The following ZDHHC17 variants were observed in gnomAD, a reference collection of about 807,000 sequenced individuals.
ZDHHC17 encodes the protein palmitoyltransferase ZDHHC17.
A neutral mutation model predicts 90.3 loss-of-function variants in ZDHHC17; 40 were observed. The ratio of observed to expected loss-of-function variants is 0.44; its 90% CI spans 0.34 to 0.58. The LOEUF (loss-of-function observed/expected upper bound fraction) is 0.58, where lower values mean the gene tolerates loss of function less well. Ranked by LOEUF, ZDHHC17 falls within the 20% of genes least tolerant of loss-of-function variation. The pLI, the probability that ZDHHC17 is intolerant of heterozygous loss-of-function variation, is 0.01. For missense variants in ZDHHC17, 614 were observed against 780.8 expected, an observed-to-expected ratio of 0.79 and a Z score of 2.55; for synonymous variants, 235 against 252.4, an observed-to-expected ratio of 0.93 and a Z score of 0.65.
chr12:76,810,036 A>G (rs1225507481), intron 5 of ZDHHC17, among the ~76,000 whole-genome samples, 179 bp downstream of exon 5: 1 of 152,224 alleles, frequency 6.6e-6, no homozygotes, highest in East Asian at 1.9e-4. Flanking sequence ...AAAAGCCAGC[A>G]TGAAAATCAT....
intron 5 of ZDHHC17, chr12:76,813,237 C>CTTCTCATATAAGAAATAGTT (rs1953046332): frequency 2.9e-6 from 1 of 345,008 alleles, no homozygotes; most frequent in Non-Finnish European, 5.7e-6. Flanking sequence ...TAAAAGAAGT[C>CTTCTCATATAAGAAATAGTT]ACAATAGTTA....
Position 76,849,465 on chromosome 12 carries a change from A to C in ZDHHC17, c.1755A>C (p.Pro585=). The change falls in exon 16 of 17, where the codon CCA becomes CCC. Residue 585 remains proline, a synonymous_variant. Coordinates refer to ENST00000426126, the MANE Select transcript of ZDHHC17 (RefSeq NM_015336.4). ...FKVTTTSIES[P]FNHGCVRNII... ...TCACAACAACGTCTATTGAAAGCCC[A>C]TTCAAGTATGTACATATTTATAAAT... 1 of 1,530,708 alleles carries C rather than the reference A, an allele frequency of 6.5e-7. No individual in the cohort carries two copies. The highest frequency in any genetic ancestry group is 8.8e-7 in the Non-Finnish European group (1 of 1,135,726). 94.8% of individuals were successfully genotyped at this position (1,530,708 alleles called of 1,614,324 possible). A position where few individuals can be genotyped will look rare whatever the true frequency, so the allele number is the denominator to read the frequency against.
intron 10 of ZDHHC17, among the ~76,000 whole-genome samples, chr12:76,829,998 A>G (rs532814557): frequency 4.6e-4 from 70 of 152,220 alleles, no homozygotes; most frequent in Admixed American, 4.6e-3. Flanking sequence ...TGGCTAATAT[A>G]CTTTTTAAAA....
At chr12:76,766,328 C>T (rs1005979828) in intron 1 of ZDHHC17, among the ~76,000 whole-genome samples, 4 of 152,156 alleles carry the variant, frequency 2.6e-5, no homozygotes, top group African/African-American at 9.7e-5. Flanking sequence ...TGGCTGAGGT[C>T]TTTCTGCATT....
At position 76,822,390 on chromosome 12, in the gene ZDHHC17, C is replaced by T; in HGVS notation, c.772-16C>T. 6.2e-7 allele frequency: 1 copy of T among 1,609,894 alleles called. No individual in the cohort carries two copies. Among genetic ancestry groups the T allele is most frequent in the Non-Finnish European group, 8.5e-7 (1 of 1,177,102 alleles). Reference sequence around the variant, plus strand: ...TTTAAACTTTTAATAGGAATTTCTTCTGTTTATATTATCAGGGCGAATCAG... The same window carrying T: ...TTTAAACTTTTAATAGGAATTTCTTTTGTTTATATTATCAGGGCGAATCAG... On this transcript the variant is annotated splice_polypyrimidine_tract_variant and intron_variant, in intron 7 of 16. Transcript: ENST00000426126.
chr12:76,838,716 T>G lies in ZDHHC17; in HGVS notation c.1142-3266T>G, dbSNP rs577270950. Reference sequence around the variant, plus strand: ...AAGTCACCTTATTAATGACAAGCCTTGGTATTTCTTGATACTTAGTGGAAG... The same window carrying G: ...AAGTCACCTTATTAATGACAAGCCTGGGTATTTCTTGATACTTAGTGGAAG... On this transcript the variant is annotated intron_variant, in intron 10 of 16. Coordinates refer to ENST00000426126, the MANE Select transcript of ZDHHC17 (RefSeq NM_015336.4). Among the ~76,000 whole-genome samples the G allele has an allele frequency of 2.0e-5, 3 of 152,338 alleles. No homozygotes were observed. In the East Asian group the frequency reaches 5.8e-4, roughly 29 times the overall value.
intron 5 of ZDHHC17, among the ~76,000 whole-genome samples, chr12:76,811,066 G>T (rs948131034): frequency 6.6e-6 from 1 of 152,158 alleles, no homozygotes; most frequent in Non-Finnish European, 1.5e-5. Flanking sequence ...AAGAACAAAA[G>T]TAGAAGCTGT....
chr12:76,821,241 A>C, intron 7 of ZDHHC17: 2 of 785,328 alleles, frequency 2.5e-6, no homozygotes, highest in Non-Finnish European at 1.7e-6. Context: ...AGGTAAGGCA[A>C]TATTTTAAAG....
At chr12:76,805,176 T>C in intron 2 of ZDHHC17, 141 bp from the exon 3 acceptor site, 1 of 815,924 alleles carries the variant, frequency 1.2e-6, no homozygotes, top group Non-Finnish European at 1.8e-6. Flanking sequence ...TGTTGACATT[T>C]TAAAAGTAAT....
chr12:76,784,798 C>T (rs1185086499), intron 1 of ZDHHC17, among the ~76,000 whole-genome samples: 1 of 152,118 alleles, frequency 6.6e-6, no homozygotes, highest in Non-Finnish European at 1.5e-5. Context: ...TTTACTAGTA[C>T]GATCCTGAAG....
chr12:76,794,363 G>A (rs1952795039), intron 1 of ZDHHC17, among the ~76,000 whole-genome samples: 1 of 152,192 alleles, frequency 6.6e-6, no homozygotes, highest in Non-Finnish European at 1.5e-5. Context: ...CCTATTGATA[G>A]TTGTGATTAT....
intron 2 of ZDHHC17, among the ~76,000 whole-genome samples, chr12:76,801,088 A>G (rs1310748151): frequency 6.6e-6 from 1 of 150,918 alleles, no homozygotes; most frequent in Admixed American, 6.6e-5. Flanking sequence ...GGGTTTCACC[A>G]TGTTGGTCAG....
chr12:76,784,553 T>C (rs1952664273), intron 1 of ZDHHC17, among the ~76,000 whole-genome samples: 1 of 152,204 alleles, frequency 6.6e-6, no homozygotes, highest in African/African-American at 2.4e-5. Context: ...ATTCATCTTA[T>C]TCATGCCCTA....
At chr12:76,843,624 CTT>C (rs1043861432) in intron 12 of ZDHHC17, among the ~76,000 whole-genome samples, 45 of 151,868 alleles carry the variant, frequency 3.0e-4, no homozygotes, top group African/African-American at 4.8e-4. Context: ...GGATAATACT[CTT>C]ATGTTTAAAT....
chr12:76,834,590 ATCTT>A (rs1262273109), intron 10 of ZDHHC17, among the ~76,000 whole-genome samples: 4 of 152,158 alleles, frequency 2.6e-5, no homozygotes, highest in African/African-American at 9.7e-5. Flanking sequence ...TTTAATGTCT[ATCTT>A]CAGTTATCCA....
At chr12:76,806,505 A>G (rs1203870031) in intron 3 of ZDHHC17, among the ~76,000 whole-genome samples, 1 of 152,150 alleles carries the variant, frequency 6.6e-6, no homozygotes, top group East Asian at 1.9e-4. Context: ...CTGCGCCTAT[A>G]TAAATATAGG....
In ZDHHC17 at chr12:76,799,114, G is replaced by A. The variant is rs181034282; in HGVS notation, c.197+1577G>A. On this transcript the variant is annotated intron_variant, in intron 2 of 16. Transcript: ENST00000426126. ...GTCATGCCAATACACTCCAGCCTGG[G>A]CAAAGGAGTGAGACCCCATCTCAAA... is the stretch of plus-strand genomic sequence containing the variant. Among the ~76,000 whole-genome samples the A allele has an allele frequency of 4.6e-5, 7 of 152,178 alleles. No homozygotes were observed. In the East Asian group the frequency reaches 1.4e-3, roughly 29 times the overall value.
At chr12:76,837,386 T>C (rs1487068890) in intron 10 of ZDHHC17, among the ~76,000 whole-genome samples, 1 of 152,148 alleles carries the variant, frequency 6.6e-6, no homozygotes, top group East Asian at 1.9e-4. Context: ...TCCCAGCTAC[T>C]CAGGAGGTTG....
intron 5 of ZDHHC17, among the ~76,000 whole-genome samples, chr12:76,814,282 G>T (rs1400264890): frequency 6.6e-6 from 1 of 151,898 alleles, no homozygotes; most frequent in Non-Finnish European, 1.5e-5. Context: ...AAGTAGTAGT[G>T]GGGGAAAGAT....
Sources: gnomAD v4.1 joint callset for allele counts (sites outside exome capture counted in the v4.1 genomes callset) on GRCh38, gnomAD v4.1.1 for gene constraint, MANE v1.5 for transcripts, NCBI Gene and HGNC (gene_info 2026-07-23, HGNC 2026-07-21) for gene names.